NPR2: variants seen among roughly 807,000 people sequenced by gnomAD.
The protein encoded by NPR2 is atrial natriuretic peptide receptor 2.
Under a neutral mutation model 120.7 loss-of-function variants are expected in NPR2, and 49 were observed. That is an observed-to-expected ratio of 0.41 (90% CI 0.32 to 0.52). The LOEUF is 0.52. Ranked by LOEUF, NPR2 falls within the 20% of genes least tolerant of loss-of-function variation. The pLI is 0.36. For missense variants in NPR2, 931 were observed against 1,362.9 expected, an observed-to-expected ratio of 0.68 and a Z score of 4.99; for synonymous variants, 484 against 519.8, an observed-to-expected ratio of 0.93 and a Z score of 0.94.
At position 35,808,197 on chromosome 9, in the gene NPR2, T is replaced by C. The variant is rs928444245; in HGVS notation, c.2713-312T>C. 1.9e-6 allele frequency: 3 copies of C among 1,614,070 alleles called. No homozygotes were observed. The highest frequency in any genetic ancestry group is 1.6e-4 in the Middle Eastern group (1 of 6,082). On this transcript the variant is annotated intron_variant, in intron 18 of 21. Transcript: ENST00000342694. This position sits in a 1 kb window ranked among gnomAD's most constrained non-coding sequence, Gnocchi z 4.0. ...CTCACCAGCCTCTGTCCTCTTGAGT[T>C]ACCGTTTTCTTGCTTCCCATTTCCT...
At chr9:35,801,269 G>C in intron 7 of NPR2, 115 bp downstream of exon 7, 1 of 825,344 alleles carries the variant, frequency 1.2e-6, no homozygotes, top group South Asian at 1.4e-5. Flanking sequence ...TTAATTTGCT[G>C]GTTGTCTCTT....
At position 35,800,783 on chromosome 9, in the gene NPR2, T is replaced by C. The variant is rs755162684; in HGVS notation, c.1293T>C (p.Ala431=). The C allele has an allele frequency of 6.2e-7, 1 of 1,613,976 alleles. No homozygotes were observed. Among genetic ancestry groups the C allele is most frequent in the South Asian group, 1.1e-5 (1 of 91,066 alleles). Residue 431 remains alanine (A), a synonymous_variant, in exon 6 of 22, where the codon GCT becomes GCC. Transcript: ENST00000342694. The surrounding 1 kb of genome is among the most constrained non-coding windows in gnomAD (Gnocchi z 4.7). ...TGRPIPWVKG[A]PPSDNPPCAF... is the part of the protein sequence containing the mutation. ...GGCCTATTCCCTGGGTGAAGGGGGC[T>C]CCTCCCTCGGACAATCCCCCCTGTG...
intron 18 of NPR2, chr9:35,807,943 G>C (rs553859234): frequency 3.7e-6 from 2 of 544,536 alleles, no homozygotes; most frequent in African/African-American, 1.9e-5. Context: ...TCGTTGTATG[G>C]AAAGTACCTA....
chr9:35,801,545 A>G, intron 7 of NPR2, 98 bp from the exon 8 acceptor site: 1 of 1,284,486 alleles, frequency 7.8e-7, no homozygotes, highest in Non-Finnish European at 1.1e-6. Context: ...TAACAGTTGC[A>G]GCTTCAGGAG....
rs763258958 is a variant in NPR2 at position 35,801,796 on chromosome 9, CCTCT to C, written c.1557+34_1557+37del. On this transcript the variant is annotated intron_variant, in intron 8 of 21. Transcript: ENST00000342694. ...CTTGTCTCAGCTGTTCCTCTGCCTC[CCTCT>C]GAGTTCCTGTCCCTTCTTACCCTGG... 46 of 1,614,014 alleles carry C rather than the reference CCTCT, an allele frequency of 2.9e-5. 1 individual carries two copies. In the South Asian group the frequency reaches 4.3e-4, roughly 15 times the overall value.
Position 35,801,017 on chromosome 9 carries a change from C to T in NPR2, c.1352-53C>T, listed in dbSNP as rs1051627441. The T allele has an allele frequency of 1.7e-5, 26 of 1,559,224 alleles. No individual in the cohort carries two copies. The Admixed American group carries it at 3.5e-4, about 21-fold the overall frequency. On this transcript the variant is annotated intron_variant, in intron 6 of 21. Transcript: ENST00000342694. ...CTATGCACCTATGCACCCCGTTCTC[C>T]ATTCTGCCAAGTCCGCACACAGTCT...
chr9:35,794,243 G>A, intron 2 of NPR2, 140 bp downstream of exon 2: 3 of 754,252 alleles, frequency 4.0e-6, no homozygotes, highest in Non-Finnish European at 4.3e-6. Flanking sequence ...GGCATTCTGA[G>A]TCTAGTGTCA....
In NPR2 at chr9:35,802,314, A is replaced by G; in HGVS notation, c.1710+31A>G. The G allele has an allele frequency of 7.6e-7, 1 of 1,312,268 alleles. No homozygotes were observed. The highest frequency in any genetic ancestry group is 1.4e-5 in the African/African-American group (1 of 69,286). 81.3% of individuals were successfully genotyped at this position (1,312,268 alleles called of 1,614,324 possible). On this transcript the variant is annotated intron_variant, in intron 10 of 21. Transcript: ENST00000342694. The surrounding 1 kb of genome is among the most constrained non-coding windows in gnomAD (Gnocchi z 4.2). ...TAACAGAGGATGGACTCTAACATGT[A>G]TGTAATGGAGGAGTGGGGAAAACTA...
At position 35,805,895 on chromosome 9, in the gene NPR2, G is replaced by A. The variant is rs1446873044; in HGVS notation, c.2113G>A (p.Ala705Thr). 2 of 1,614,158 alleles carry A rather than the reference G, an allele frequency of 1.2e-6. No homozygotes were observed. Among genetic ancestry groups the A allele is most frequent in the Non-Finnish European group, 1.7e-6 (2 of 1,179,996 alleles). Residue 705 changes from alanine to threonine, a missense_variant, in exon 14 of 22, where the codon GCT (alanine) becomes ACT (threonine). By Grantham distance (58) the Ala-to-Thr change is moderately conservative (BLOSUM62 0). Coordinates refer to ENST00000342694, the MANE Select transcript of NPR2 (RefSeq NM_003995.4). This position sits in a 1 kb window ranked among gnomAD's most constrained non-coding sequence, Gnocchi z 4.9. ...NPLPTTGMQKADVYSFGIILQ... is the reference protein window; with the variant it reads ...NPLPTTGMQKTDVYSFGIILQ... ...CTTGCCAACCACAGGCATGCAGAAG[G>A]CTGACGTCTATAGCTTTGGGATCAT...
In NPR2 at chr9:35,806,707, G is replaced by A. The variant is rs1361691893; in HGVS notation, c.2519+169G>A. The stretch of plus-strand genomic sequence containing the variant: ...GTCATTCTGTCTCCACATCAGCTAT[G>A]CTGCCTTCTTACTGGCTGCCCATCC... On this transcript the variant is annotated intron_variant, in intron 16 of 21. Coordinates refer to ENST00000342694, the MANE Select transcript of NPR2 (RefSeq NM_003995.4). This position sits in a 1 kb window ranked among gnomAD's most constrained non-coding sequence, Gnocchi z 4.6. Among the ~76,000 whole-genome samples, 1 of 152,142 alleles carries A rather than the reference G, an allele frequency of 6.6e-6. No individual in the cohort carries two copies. The highest frequency in any genetic ancestry group is 1.5e-5 in the Non-Finnish European group (1 of 68,026).
chr9:35,793,734 T>C (rs998379358), intron 1 of NPR2, among the ~76,000 whole-genome samples, 164 bp from the exon 2 acceptor site: 7 of 151,806 alleles, frequency 4.6e-5, no homozygotes, highest in African/African-American at 1.7e-4. Context: ...GTACTTATGG[T>C]GGACTCCAAG....
Position 35,792,217 on chromosome 9 carries a change from C to T in NPR2, c.-192C>T. The T allele has an allele frequency of 3.4e-6, 2 of 586,246 alleles. No homozygotes were observed. The highest frequency in any genetic ancestry group is 3.1e-5 in the East Asian group (1 of 32,330). 36.3% of individuals were successfully genotyped at this position (586,246 alleles called of 1,614,324 possible). A position where few individuals can be genotyped will look rare whatever the true frequency, so the allele number is the denominator to read the frequency against. ...CTAGGCTGGTAGCCCACTCCTTGCCCGCCCCCCGCCTTCCTCCCATCTCCC... is the reference window on the plus strand; with the variant it reads ...CTAGGCTGGTAGCCCACTCCTTGCCTGCCCCCCGCCTTCCTCCCATCTCCC... On this transcript the variant is annotated 5_prime_UTR_variant, in exon 1 of 22. Transcript: ENST00000342694.
At position 35,806,705 on chromosome 9, in the gene NPR2, A is replaced by G. The variant is rs556413899; in HGVS notation, c.2519+167A>G. Among the ~76,000 whole-genome samples the G allele has an allele frequency of 1.3e-5, 2 of 152,148 alleles. No individual in the cohort carries two copies. The highest frequency in any genetic ancestry group is 1.9e-4 in the East Asian group (1 of 5,174). ...CTGTCATTCTGTCTCCACATCAGCTATGCTGCCTTCTTACTGGCTGCCCAT... is the reference window on the plus strand; with the variant it reads ...CTGTCATTCTGTCTCCACATCAGCTGTGCTGCCTTCTTACTGGCTGCCCAT... On this transcript the variant is annotated intron_variant, in intron 16 of 21. Coordinates refer to ENST00000342694, the MANE Select transcript of NPR2 (RefSeq NM_003995.4). This position sits in a 1 kb window ranked among gnomAD's most constrained non-coding sequence, Gnocchi z 4.6.
At position 35,808,390 on chromosome 9, in the gene NPR2, A is replaced by G. The variant is rs764695322; in HGVS notation, c.2713-119A>G. 12 of 1,401,210 alleles carry G rather than the reference A, an allele frequency of 8.6e-6. No individual in the cohort carries two copies. Among genetic ancestry groups the G allele is most frequent in the Non-Finnish European group, 7.0e-6 (7 of 993,780 alleles). 86.8% of individuals were successfully genotyped at this position (1,401,210 alleles called of 1,614,324 possible). On this transcript the variant is annotated intron_variant, in intron 18 of 21. Transcript: ENST00000342694. The surrounding 1 kb of genome is among the most constrained non-coding windows in gnomAD (Gnocchi z 4.0). ...GACCATGGCACTTATTTTCTAGTCAATATTCTGGTCTCCAGCATGTCAGGA... is the reference window on the plus strand; with the variant it reads ...GACCATGGCACTTATTTTCTAGTCAGTATTCTGGTCTCCAGCATGTCAGGA...
In NPR2 at chr9:35,792,375, G is replaced by A; in HGVS notation, c.-34G>A. On this transcript the variant is annotated 5_prime_UTR_variant, in exon 1 of 22. Coordinates refer to ENST00000342694, the MANE Select transcript of NPR2 (RefSeq NM_003995.4). The stretch of plus-strand genomic sequence containing the variant: ...CCCCTGTAGGCCAGAGCAGCCCCAA[G>A]TTCTGGGGGCGGTGGGGCTGCTGCT... The A allele has an allele frequency of 1.2e-6, 2 of 1,602,450 alleles. No individual in the cohort carries two copies. Among genetic ancestry groups the A allele is most frequent in the Non-Finnish European group, 1.7e-6 (2 of 1,176,440 alleles).
In NPR2 at chr9:35,800,280, C is replaced by T. The variant is rs1828100750; in HGVS notation, c.1124-109C>T. Reference sequence around the variant, plus strand: ...GGTTAGTGAATATGGCAGAGTTGCCCACACCTCAAGATCGGGGAAGGGTAG... The same window carrying T: ...GGTTAGTGAATATGGCAGAGTTGCCTACACCTCAAGATCGGGGAAGGGTAG... On this transcript the variant is annotated intron_variant, in intron 4 of 21. Coordinates refer to ENST00000342694, the MANE Select transcript of NPR2 (RefSeq NM_003995.4). This position sits in a 1 kb window ranked among gnomAD's most constrained non-coding sequence, Gnocchi z 4.7. 1 of 1,400,074 alleles carries T rather than the reference C, an allele frequency of 7.1e-7. No individual in the cohort carries two copies. Among genetic ancestry groups the T allele is most frequent in the Admixed American group, 1.7e-5 (1 of 59,658 alleles). 86.7% of individuals were successfully genotyped at this position (1,400,074 alleles called of 1,614,324 possible).
In NPR2 at chr9:35,806,389, T is replaced by C; in HGVS notation, c.2373-3T>C. 3 of 1,612,278 alleles carry C rather than the reference T, an allele frequency of 1.9e-6. No individual in the cohort carries two copies. Among genetic ancestry groups the C allele is most frequent in the South Asian group, 1.1e-5 (1 of 91,042 alleles). On this transcript the variant is annotated splice_region_variant and splice_polypyrimidine_tract_variant and intron_variant, in intron 15 of 21. Transcript: ENST00000342694. This position sits in a 1 kb window ranked among gnomAD's most constrained non-coding sequence, Gnocchi z 4.6. ...CAAGTGCCTTATCCTGGCCTCCCTCTAGGGAGGGTGGCACCAGCATATTGG... is the reference window on the plus strand; with the variant it reads ...CAAGTGCCTTATCCTGGCCTCCCTCCAGGGAGGGTGGCACCAGCATATTGG...
In NPR2 at chr9:35,792,621, G is replaced by A; in HGVS notation, c.213G>A (p.Leu71=). 1 of 1,613,902 alleles carries A rather than the reference G, an allele frequency of 6.2e-7. No homozygotes were observed. The highest frequency in any genetic ancestry group is 1.3e-5 in the African/African-American group (1 of 75,050). ...PVDLRFVSSE[L]EGACSEYLAP... ...ACCTGCGGTTTGTCAGCTCCGAACT[G>A]GAAGGCGCCTGCTCTGAGTACCTGG... Residue 71 remains leucine (L), a synonymous_variant, in exon 1 of 22, where the codon CTG becomes CTA. Coordinates refer to ENST00000342694, the MANE Select transcript of NPR2 (RefSeq NM_003995.4).
chr9:35,794,211 C>T, intron 2 of NPR2, 108 bp downstream of exon 2: 1 of 1,027,566 alleles, frequency 9.7e-7, no homozygotes, highest in Non-Finnish European at 1.4e-6. Flanking sequence ...GAATTGTGAG[C>T]CACAGGAGTA....
Sources: allele counts gnomAD v4.1 joint callset (sites outside exome capture counted in the v4.1 genomes callset), GRCh38; gene constraint gnomAD v4.1.1; non-coding constraint Gnocchi (gnomAD v3.1); transcripts MANE v1.5; gene names NCBI Gene and HGNC (gene_info 2026-07-23, HGNC 2026-07-21).